CYTH4: variants seen among roughly 807,000 people sequenced by gnomAD.
CYTH4 encodes cytohesin-4.
CYTH4 carries 22 observed loss-of-function variants against 57.5 expected under a neutral mutation model. The ratio of observed to expected loss-of-function variants is 0.38; its 90% CI spans 0.27 to 0.55. CYTH4 has a LOEUF of 0.55. Ranked by LOEUF, CYTH4 falls within the 20% of genes least tolerant of loss-of-function variation. CYTH4 has a pLI of 0.74. For missense variants in CYTH4, 420 were observed against 535.6 expected (o/e 0.78, Z 2.13); for synonymous variants, 186 against 206.5 (o/e 0.90, Z 0.85).
At chr22:37,296,097 G>A (rs1454669965) in intron 4 of CYTH4, 32 bp downstream of exon 4, 1 of 1,603,122 alleles carries the variant, frequency 6.2e-7, no homozygotes, top group African/African-American at 1.3e-5. Context: ...GGGCCACAGG[G>A]TGTGGGGGCT....
chr22:37,303,588 C>T (rs939779045), intron 8 of CYTH4, among the ~76,000 whole-genome samples, 186 bp downstream of exon 8: 1 of 152,168 alleles, frequency 6.6e-6, no homozygotes, highest in Admixed American at 6.5e-5. Context: ...TCCTGAAACC[C>T]GCCTGCCCAA....
In CYTH4 at chr22:37,313,567, C is replaced by A. The variant is rs1027089535; in HGVS notation, c.*56C>A. 7.8e-5 allele frequency: 118 copies of A among 1,516,374 alleles called. No homozygotes were observed. Among genetic ancestry groups the A allele is most frequent in the Non-Finnish European group, 1.0e-4 (114 of 1,091,920 alleles). The allele number at this position is 1,516,374 out of a possible 1,614,324, so 93.9% of individuals were successfully genotyped here. A position where few individuals can be genotyped will look rare whatever the true frequency, so the allele number is the denominator to read the frequency against. On this transcript the variant is annotated 3_prime_UTR_variant, in exon 13 of 13. Transcript: ENST00000248901. ...ACCCTGAGAGTCCCATCGCCTGCAGCACCTGGAGACCCACCTCCCACCCCA... is the reference window on the plus strand; with the variant it reads ...ACCCTGAGAGTCCCATCGCCTGCAGAACCTGGAGACCCACCTCCCACCCCA...
Position 37,314,531 on chromosome 22 carries a change from A to G in CYTH4, c.*1020A>G, listed in dbSNP as rs1929783287. 1 of 397,810 alleles carries G rather than the reference A, an allele frequency of 2.5e-6. No individual in the cohort carries two copies. The highest frequency in any genetic ancestry group is 4.4e-6 in the Non-Finnish European group (1 of 225,738). The allele number at this position is 397,810 out of a possible 1,614,324, so 24.6% of individuals were successfully genotyped here. A position where few individuals can be genotyped will look rare whatever the true frequency, so the allele number is the denominator to read the frequency against. ...ACAGAGCTCATGCTTGGAGAGAGAG[A>G]GTCTTGGCCATGGCTTTCCTGCAAG... is the stretch of plus-strand genomic sequence containing the variant. On this transcript the variant is annotated 3_prime_UTR_variant, in exon 13 of 13. Transcript: ENST00000248901.
Position 37,295,885 on chromosome 22 carries a change from C to T in CYTH4, c.168-114C>T. On this transcript the variant is annotated intron_variant, in intron 3 of 12. Coordinates refer to ENST00000248901, the MANE Select transcript of CYTH4 (RefSeq NM_013385.5). The surrounding 1 kb of genome is among the most constrained non-coding windows in gnomAD (Gnocchi z 4.1). ...GTTCCCATGCAGGACCCGGAGGCCACACTTGGAGGGCCCTAGAGGGGTATG... is the reference window on the plus strand; with the variant it reads ...GTTCCCATGCAGGACCCGGAGGCCATACTTGGAGGGCCCTAGAGGGGTATG... 2 of 1,120,004 alleles carry T rather than the reference C, an allele frequency of 1.8e-6. No individual in the cohort carries two copies. Among genetic ancestry groups the T allele is most frequent in the Non-Finnish European group, 2.6e-6 (2 of 759,058 alleles). The allele number at this position is 1,120,004 out of a possible 1,614,324, so 69.4% of individuals were successfully genotyped here. A position where few individuals can be genotyped will look rare whatever the true frequency, so the allele number is the denominator to read the frequency against.
intron 4 of CYTH4, among the ~76,000 whole-genome samples, chr22:37,296,863 C>T (rs1928988992): frequency 6.6e-6 from 1 of 152,204 alleles, no homozygotes; most frequent in Admixed American, 6.5e-5. Context: ...GGCCTGTGCC[C>T]AACTTCCAGC....
chr22:37,289,344 GCCAGGTGCCCTGCCTGAAGCCCTGC>G (rs2145855289), intron 1 of CYTH4, among the ~76,000 whole-genome samples: 1 of 152,276 alleles, frequency 6.6e-6, no homozygotes, highest in Non-Finnish European at 1.5e-5. Context: ...GAAGTGGATG[GCCAGGTGCCCTGCCTGAAGCCCTGC>G]CCCCTGGGAG....
chr22:37,293,684 G>A (rs1352945347), intron 2 of CYTH4, among the ~76,000 whole-genome samples: 1 of 152,198 alleles, frequency 6.6e-6, no homozygotes, highest in Non-Finnish European at 1.5e-5. Context: ...AGATCCTGGG[G>A]AGAAAGGGGC....
intron 4 of CYTH4, 127 bp downstream of exon 4, chr22:37,296,192 C>T: frequency 9.7e-7 from 1 of 1,033,310 alleles, no homozygotes; most frequent in African/African-American, 1.6e-5. Flanking sequence ...CCCAGCAGAG[C>T]TGAGCATCTT....
chr22:37,311,836 A>G lies in CYTH4; in HGVS notation c.958-184A>G. On this transcript the variant is annotated intron_variant, in intron 11 of 12. Coordinates refer to ENST00000248901, the MANE Select transcript of CYTH4 (RefSeq NM_013385.5). The surrounding 1 kb of genome is among the most constrained non-coding windows in gnomAD (Gnocchi z 4.4). The stretch of plus-strand genomic sequence containing the variant: ...ATGTCACGTGGGGACTTTAGGGAGG[A>G]TGGTGGATTCAGGAGCCTGCCACAG... 1 of 786,896 alleles carries G rather than the reference A, an allele frequency of 1.3e-6. No homozygotes were observed. The highest frequency in any genetic ancestry group is 2.0e-6 in the Non-Finnish European group (1 of 506,512). The allele number at this position is 786,896 out of a possible 1,614,324, so 48.7% of individuals were successfully genotyped here.
At chr22:37,285,036 C>T (rs1341121255) in intron 1 of CYTH4, among the ~76,000 whole-genome samples, 1 of 152,226 alleles carries the variant, frequency 6.6e-6, no homozygotes. Context: ...CACACCCCCT[C>T]TGCCCCAGGG....
intron 1 of CYTH4, among the ~76,000 whole-genome samples, chr22:37,284,814 C>G (rs769046616): frequency 1.9e-4 from 29 of 152,196 alleles, no homozygotes; most frequent in Non-Finnish European, 4.3e-4. Flanking sequence ...AGGTAAGGCG[C>G]CCTCCCCCAG....
intron 9 of CYTH4, 58 bp downstream of exon 9, chr22:37,309,381 A>C (rs1929553014): frequency 2.8e-6 from 4 of 1,447,082 alleles, no homozygotes; most frequent in Non-Finnish European, 3.9e-6. Flanking sequence ...GCGGGCACAC[A>C]TCGTTGCATG....
rs758725979 is a variant in CYTH4, at chr22:37,313,466, C to T, written c.1140C>T (p.Tyr380=). The T allele has an allele frequency of 5.6e-6, 9 of 1,614,224 alleles. No individual in the cohort carries two copies. The highest frequency in any genetic ancestry group is 2.2e-5 in the East Asian group (1 of 44,892). ...IRASITRVPF[Y]DLVSTRKKKI... The stretch of plus-strand genomic sequence containing the variant: ...CCAGCATCACCCGTGTCCCCTTCTA[C>T]GACCTGGTCTCTACTCGGAAGAAGA... Residue 380 remains tyrosine, a synonymous_variant, in exon 13 of 13, where the codon TAC becomes TAT. Coordinates refer to ENST00000248901, the MANE Select transcript of CYTH4 (RefSeq NM_013385.5).
intron 7 of CYTH4, among the ~76,000 whole-genome samples, chr22:37,303,030 C>T (rs1318218174): frequency 2.6e-5 from 4 of 151,628 alleles, no homozygotes; most frequent in Admixed American, 6.6e-5. Flanking sequence ...AGCGTACGCG[C>T]GGAGGTAGGA....
rs1928945205 is a variant in CYTH4 at position 37,295,893 on chromosome 22, G to A, written c.168-106G>A. On this transcript the variant is annotated intron_variant, in intron 3 of 12. Transcript: ENST00000248901. This position sits in a 1 kb window ranked among gnomAD's most constrained non-coding sequence, Gnocchi z 4.1. The stretch of plus-strand genomic sequence containing the variant: ...GCAGGACCCGGAGGCCACACTTGGA[G>A]GGCCCTAGAGGGGTATGGGCTCCTG... 1.7e-6 allele frequency: 2 copies of A among 1,189,536 alleles called. No individual in the cohort carries two copies. The highest frequency in any genetic ancestry group is 2.4e-6 in the Non-Finnish European group (2 of 821,060). 73.7% of individuals were successfully genotyped at this position (1,189,536 alleles called of 1,614,324 possible). A position where few individuals can be genotyped will look rare whatever the true frequency, so the allele number is the denominator to read the frequency against.
chr22:37,283,213 C>G (rs931412991), intron 1 of CYTH4, among the ~76,000 whole-genome samples: 9 of 152,108 alleles, frequency 5.9e-5, no homozygotes, highest in Middle Eastern at 6.8e-3. Flanking sequence ...CAGGAGTGAG[C>G]AACAGAGGCT....
At chr22:37,310,213 G>A (rs1036518917) in intron 9 of CYTH4, among the ~76,000 whole-genome samples, 2 of 151,896 alleles carry the variant, frequency 1.3e-5, no homozygotes, top group African/African-American at 4.8e-5. Flanking sequence ...CAGAGCACTC[G>A]GCCGCCTGTC....
Position 37,298,706 on chromosome 22 carries a change from G to C in CYTH4, c.354-520G>C, listed in dbSNP as rs953541868. 2.6e-5 allele frequency among the ~76,000 whole-genome samples: 4 copies of C among 152,140 alleles called. No homozygotes were observed. Among genetic ancestry groups the C allele is most frequent in the Non-Finnish European group, 4.4e-5 (3 of 68,022 alleles). The stretch of plus-strand genomic sequence containing the variant: ...GTCTGAGGGGTGGGCGAGTGGATAG[G>C]GGTGAAGCTGGACCAGAGAGTCAAC... On this transcript the variant is annotated intron_variant, in intron 5 of 12. Coordinates refer to ENST00000248901, the MANE Select transcript of CYTH4 (RefSeq NM_013385.5). This position sits in a 1 kb window ranked among gnomAD's most constrained non-coding sequence, Gnocchi z 4.1.
Position 37,313,691 on chromosome 22 carries a change from A to T in CYTH4, c.*180A>T. 1 of 634,090 alleles carries T rather than the reference A, an allele frequency of 1.6e-6. No homozygotes were observed. Among genetic ancestry groups the T allele is most frequent in the South Asian group, 1.9e-5 (1 of 52,948 alleles). The allele number at this position is 634,090 out of a possible 1,614,324, so 39.3% of individuals were successfully genotyped here. On this transcript the variant is annotated 3_prime_UTR_variant, in exon 13 of 13. Transcript: ENST00000248901. ...GCTCAGGAGGGTGGGTGGGAGCTGC[A>T]GTGGGCTCAGAGTCCAGCAATGAGG...
Sources: allele counts gnomAD v4.1 joint callset (sites outside exome capture counted in the v4.1 genomes callset), GRCh38; gene constraint gnomAD v4.1.1; non-coding constraint Gnocchi (gnomAD v3.1); transcripts MANE v1.5; gene names NCBI Gene and HGNC (gene_info 2026-07-23, HGNC 2026-07-21).